The following CELF2 variants were observed in gnomAD, a reference collection of about 807,000 sequenced individuals.
CELF2 encodes CUGBP Elav-like family member 2.
In CELF2, 8 loss-of-function variants were observed where a neutral mutation model predicts 62.6. The observed-to-expected ratio is 0.13, with a 90% confidence interval of 0.07 to 0.23. The LOEUF (loss-of-function observed/expected upper bound fraction) is 0.23. CELF2 is among the 10% of genes least tolerant of loss of function. The pLI is 1.00. For missense variants in CELF2, 333 were observed against 671.0 expected, an observed-to-expected ratio of 0.50 and a Z score of 5.56; for synonymous variants, 258 against 250.0, an observed-to-expected ratio of 1.03 and a Z score of -0.30.
the CELF2 span, among the ~76,000 whole-genome samples, chr10:10,656,781 T>G: frequency 2.2e-5 from 3 of 133,724 alleles, no homozygotes; most frequent in Admixed American, 7.4e-5. Flanking sequence ...AGATGACGAG[T>G]TAGTGGGTGC....
intron 1 of CELF2, among the ~76,000 whole-genome samples, chr10:11,080,660 G>T (rs546185027): frequency 6.6e-6 from 1 of 152,218 alleles, no homozygotes; most frequent in African/African-American, 2.4e-5. Context: ...CAGTGATTTG[G>T]ATATTGAAGG....
chr10:10,516,821 C>G, the CELF2 span, among the ~76,000 whole-genome samples: 4 of 152,146 alleles, frequency 2.6e-5, no homozygotes, highest in South Asian at 4.2e-4. Context: ...AAGGGGGAGA[C>G]AAGTCCCTTT....
the CELF2 span, among the ~76,000 whole-genome samples, chr10:10,665,582 C>T: frequency 7.9e-5 from 12 of 152,186 alleles, no homozygotes; most frequent in Admixed American, 3.3e-4. Flanking sequence ...GTTGCTATTT[C>T]GTAAGTATCC....
At chr10:11,057,474 A>G (rs537075363) in intron 1 of CELF2, among the ~76,000 whole-genome samples, 5 of 152,344 alleles carry the variant, frequency 3.3e-5, no homozygotes, top group South Asian at 2.1e-4. Flanking sequence ...AAACAAGTTC[A>G]TAGCCTGATA....
chr10:10,833,092 A>C (rs2058009940), intron 1 of CELF2, among the ~76,000 whole-genome samples: 1 of 151,798 alleles, frequency 6.6e-6, no homozygotes, highest in South Asian at 2.1e-4. Flanking sequence ...AATTTAGCAA[A>C]AAGAAAGATG....
At chr10:11,025,356 G>T (rs1012777247) in intron 1 of CELF2, among the ~76,000 whole-genome samples, 8 of 152,198 alleles carry the variant, frequency 5.3e-5, no homozygotes, top group African/African-American at 1.9e-4. Context: ...CGTGTCAAGG[G>T]AGAGAGCAGG....
intron 8 of CELF2, among the ~76,000 whole-genome samples, chr10:11,281,200 TTTTAGGAG>T (rs879831333): frequency 0.051 from 7,740 of 152,178 alleles, 273 homozygotes; most frequent in Middle Eastern, 0.082. Flanking sequence ...TTCTTCAGCT[TTTTAGGAG>T]CTGTCACCAA....
rs973501702 is a variant in CELF2, at chr10:11,330,109, G to C, written c.*1056G>C. The C allele has an allele frequency of 6.6e-6, 1 of 152,462 alleles. No homozygotes were observed. The highest frequency in any genetic ancestry group is 1.5e-5 in the Non-Finnish European group (1 of 68,002). The allele number at this position is 152,462 out of a possible 1,614,324, so 9.4% of individuals were successfully genotyped here. ...GAAGTTCATGCTTTATCCTCTCGTT[G>C]TTTGTATCTGTCTGATTATTTTGTT... On this transcript the variant is annotated 3_prime_UTR_variant, in exon 13 of 13. Coordinates refer to ENST00000633077, the MANE Select transcript of CELF2 (RefSeq NM_001326342.2). This position sits in a 1 kb window ranked among gnomAD's most constrained non-coding sequence, Gnocchi z 4.5.
In CELF2 at chr10:11,183,490, A is replaced by G. The variant is rs1252938953; in HGVS notation, c.271+17808A>G. Among the ~76,000 whole-genome samples, 5 of 152,346 alleles carry G rather than the reference A, an allele frequency of 3.3e-5. No homozygotes were observed. The East Asian group carries it at 9.6e-4, about 29-fold the overall frequency. The stretch of plus-strand genomic sequence containing the variant: ...GAGTGGAATGGCTGTATCATATAGT[A>G]GGTTTATATCGAACTTCTTAAGAAA... On this transcript the variant is annotated intron_variant, in intron 2 of 12. Coordinates refer to ENST00000633077, the MANE Select transcript of CELF2 (RefSeq NM_001326342.2).
At chr10:10,867,315 A>G (rs1459874111) in intron 1 of CELF2, among the ~76,000 whole-genome samples, 1 of 152,244 alleles carries the variant, frequency 6.6e-6, no homozygotes, top group African/African-American at 2.4e-5. Flanking sequence ...CTCACCCTCC[A>G]TTGTGAACCA....
At chr10:10,824,303 A>C (rs952840739) in intron 1 of CELF2, among the ~76,000 whole-genome samples, 6 of 152,200 alleles carry the variant, frequency 3.9e-5, no homozygotes, top group Admixed American at 2.6e-4. Context: ...GATTTTCAAA[A>C]TGTATTTATT....
At chr10:10,680,144 C>CGTAT in the CELF2 span, among the ~76,000 whole-genome samples, 6,638 of 150,742 alleles carry the variant, frequency 0.044, 182 homozygotes, top group Admixed American at 0.069. Flanking sequence ...TATGTATGTA[C>CGTAT]GTATGTATGT....
chr10:11,077,204 G>A (rs1205582876), intron 1 of CELF2, among the ~76,000 whole-genome samples: 1 of 152,176 alleles, frequency 6.6e-6, no homozygotes, highest in African/African-American at 2.4e-5. Context: ...AGTGTACAGA[G>A]GGGTTGTAAG....
chr10:11,018,188 C>T (rs746022710), intron 1 of CELF2, 25 bp downstream of exon 1: 121 of 1,500,538 alleles, frequency 8.1e-5, no homozygotes, highest in Non-Finnish European at 1.3e-5. Flanking sequence ...GTCCCGAGGC[C>T]GGGCGAGCGG....
chr10:11,055,683 A>G (rs2140243182), intron 1 of CELF2, among the ~76,000 whole-genome samples: 1 of 152,314 alleles, frequency 6.6e-6, no homozygotes, highest in South Asian at 2.1e-4. Flanking sequence ...TTTGATCCCG[A>G]TTGCTCTCCC....
the CELF2 span, among the ~76,000 whole-genome samples, chr10:10,496,765 C>A: frequency 6.6e-6 from 1 of 152,092 alleles, no homozygotes; most frequent in Admixed American, 6.5e-5. Flanking sequence ...ACCTGGGGTG[C>A]TTAACACTCC....
the CELF2 span, among the ~76,000 whole-genome samples, chr10:10,768,420 T>C: frequency 6.6e-6 from 1 of 152,004 alleles, no homozygotes; most frequent in South Asian, 2.1e-4. Context: ...GCAGAGTTGG[T>C]TTCTAAAGTA....
Position 11,227,893 on chromosome 10 carries a change from A to G in CELF2, c.354+10386A>G, listed in dbSNP as rs2067168396. On this transcript the variant is annotated intron_variant, in intron 3 of 12. Coordinates refer to ENST00000633077, the MANE Select transcript of CELF2 (RefSeq NM_001326342.2). This position sits in a 1 kb window ranked among gnomAD's most constrained non-coding sequence, Gnocchi z 4.8. ...GACTGTGGGTCGCTGGGTGTATTTT[A>G]ATCTGTGACATTCCACACTTTGTGT... is the stretch of plus-strand genomic sequence containing the variant. 6.6e-6 allele frequency among the ~76,000 whole-genome samples: 1 copy of G among 152,146 alleles called. No individual in the cohort carries two copies. The highest frequency in any genetic ancestry group is 1.5e-5 in the Non-Finnish European group (1 of 68,026).
intron 1 of CELF2, among the ~76,000 whole-genome samples, chr10:10,860,064 T>C (rs985756954): frequency 9.9e-5 from 15 of 152,148 alleles, no homozygotes; most frequent in African/African-American, 3.4e-4. Flanking sequence ...TTTATGAAAA[T>C]GTATCATTTA....
Sources: gnomAD v4.1 joint callset for allele counts (sites outside exome capture counted in the v4.1 genomes callset) on GRCh38, gnomAD v4.1.1 for gene constraint, Gnocchi (gnomAD v3.1) non-coding constraint, MANE v1.5 for transcripts, NCBI Gene and HGNC (gene_info 2026-07-23, HGNC 2026-07-21) for gene names.